The following EFNA5 variants were observed in gnomAD, a reference collection of about 807,000 sequenced individuals.
EFNA5 encodes the protein ephrin-A5.
In EFNA5, 5 loss-of-function variants were observed where a neutral mutation model predicts 22.9. The observed-to-expected ratio is 0.22, with a 90% CI of 0.11 to 0.46. The LOEUF (loss-of-function observed/expected upper bound fraction) is 0.46, where lower values mean the gene tolerates loss of function less well. Ranked by LOEUF, EFNA5 falls within the 20% of genes least tolerant of loss-of-function variation. EFNA5 has a pLI of 0.99. For synonymous variants in EFNA5, 113 were observed against 112.2 expected (o/e 1.01, Z -0.04); for missense variants, 237 against 293.3 (o/e 0.81, Z 1.40).
chr5:107,625,974 G>A (rs1029914666), intron 1 of EFNA5, among the ~76,000 whole-genome samples: 2 of 152,154 alleles, frequency 1.3e-5, no homozygotes, highest in African/African-American at 4.8e-5. Context: ...CACATTGAAA[G>A]CCAATTCCTT....
intron 2 of EFNA5, among the ~76,000 whole-genome samples, chr5:107,390,538 G>A (rs1332586619): frequency 6.6e-6 from 1 of 152,108 alleles, no homozygotes; most frequent in Non-Finnish European, 1.5e-5. Context: ...AGATAGAGCT[G>A]AGGATGGAAA....
intron 1 of EFNA5, among the ~76,000 whole-genome samples, chr5:107,492,307 T>C (rs939188588): frequency 2.6e-5 from 4 of 152,242 alleles, no homozygotes; most frequent in African/African-American, 9.6e-5. Flanking sequence ...AGATTTTATA[T>C]CTAAAACACT....
At chr5:107,505,262 A>C (rs1407356443) in intron 1 of EFNA5, among the ~76,000 whole-genome samples, 1 of 152,232 alleles carries the variant, frequency 6.6e-6, no homozygotes, top group Non-Finnish European at 1.5e-5. Context: ...AAATAATATC[A>C]AATGATTTAA....
At position 107,381,274 on chromosome 5, in the gene EFNA5, G is replaced by C; in HGVS notation, c.668C>G (p.Ala223Gly). 6 of 1,613,890 alleles carry C rather than the reference G, an allele frequency of 3.7e-6. No individual in the cohort carries two copies. The highest frequency in any genetic ancestry group is 5.1e-6 in the Non-Finnish European group (6 of 1,179,856). The stretch of plus-strand genomic sequence containing the variant: ...ACTGTGCTATAATGTCAAAAGCATC[G>C]CCAGGAGGAACAGTAGGATTGCCAA... ...RLLAILLFLLAMLLTL is the reference protein window; with the variant it reads ...RLLAILLFLLGMLLTL Residue 223 changes from alanine (A) to glycine (G), a missense_variant, in exon 5 of 5, where the codon GCG (alanine) becomes GGG (glycine). This residue lies in a region of EFNA5 where 104 missense variants were observed against 114.5 expected (regional missense o/e 0.91). Transcript: ENST00000333274.
chr5:107,643,182 T>G (rs1487061738), intron 1 of EFNA5, among the ~76,000 whole-genome samples: 1 of 152,138 alleles, frequency 6.6e-6, no homozygotes, highest in Admixed American at 6.5e-5. Flanking sequence ...TAAGTAGATC[T>G]AACAAATGAA....
chr5:107,456,649 G>A (rs1181941152), intron 1 of EFNA5, among the ~76,000 whole-genome samples: 1 of 152,130 alleles, frequency 6.6e-6, no homozygotes, highest in Non-Finnish European at 1.5e-5. Flanking sequence ...TACACTAGTT[G>A]AACAAACCAC....
intron 1 of EFNA5, among the ~76,000 whole-genome samples, chr5:107,647,801 C>T (rs544652962): frequency 1.3e-5 from 2 of 152,186 alleles, no homozygotes; most frequent in Admixed American, 6.6e-5. Context: ...ACCGAAAACT[C>T]ACACTGTCAC....
intron 1 of EFNA5, among the ~76,000 whole-genome samples, chr5:107,631,528 T>C (rs1216931662): frequency 5.3e-5 from 8 of 152,140 alleles, no homozygotes; most frequent in African/African-American, 1.9e-4. Flanking sequence ...ATTATTGTTT[T>C]ATATGAAAAT....
At chr5:107,446,627 G>A (rs530515975) in intron 1 of EFNA5, among the ~76,000 whole-genome samples, 2 of 151,938 alleles carry the variant, frequency 1.3e-5, no homozygotes, top group African/African-American at 2.4e-5. Context: ...GGTGGCGGGC[G>A]CCTGTAGTCC....
At chr5:107,639,011 T>C (rs939925842) in intron 1 of EFNA5, among the ~76,000 whole-genome samples, 1 of 152,202 alleles carries the variant, frequency 6.6e-6, no homozygotes, top group Non-Finnish European at 1.5e-5. Context: ...ACATGTGGTG[T>C]GTTGCAGAAT....
intron 1 of EFNA5, among the ~76,000 whole-genome samples, chr5:107,430,838 G>A (rs1441593838): frequency 7.0e-6 from 1 of 143,502 alleles, no homozygotes; most frequent in Non-Finnish European, 1.5e-5. Flanking sequence ...GTGCAGTGGT[G>A]TGATCTCGGC....
chr5:107,472,910 A>C (rs576794243), intron 1 of EFNA5, among the ~76,000 whole-genome samples: 1 of 152,314 alleles, frequency 6.6e-6, no homozygotes, highest in Admixed American at 6.5e-5. Flanking sequence ...AGCTGATGAA[A>C]AGGCTGAAGG....
intron 1 of EFNA5, among the ~76,000 whole-genome samples, chr5:107,591,141 G>A (rs1445186598): frequency 1.3e-5 from 2 of 152,116 alleles, no homozygotes; most frequent in African/African-American, 2.4e-5. Flanking sequence ...GGGAGGCAGG[G>A]GAGCTACAAA....
chr5:107,516,794 T>C (rs902746135), intron 1 of EFNA5, among the ~76,000 whole-genome samples: 6 of 152,188 alleles, frequency 3.9e-5, no homozygotes, highest in African/African-American at 1.2e-4. Flanking sequence ...TTAGGAAACA[T>C]TTCAGTGATG....
intron 1 of EFNA5, among the ~76,000 whole-genome samples, chr5:107,556,986 C>T (rs75951324): frequency 0.019 from 2,919 of 151,804 alleles, 102 homozygotes; most frequent in African/African-American, 0.067. Context: ...CTAAATGACC[C>T]GGTATGTGGC....
intron 1 of EFNA5, among the ~76,000 whole-genome samples, chr5:107,642,509 G>C (rs562866692): frequency 2.0e-5 from 3 of 148,076 alleles, no homozygotes; most frequent in Non-Finnish European, 4.5e-5. Context: ...TGAATCGATC[G>C]ATTCTCAACC....
intron 1 of EFNA5, among the ~76,000 whole-genome samples, chr5:107,666,193 G>C (rs1023473555): frequency 8.5e-5 from 13 of 152,096 alleles, no homozygotes; most frequent in African/African-American, 3.1e-4. Context: ...TCATTTACTT[G>C]TCAGTGAAAA....
chr5:107,392,840 T>A (rs777113155), intron 2 of EFNA5, among the ~76,000 whole-genome samples: 4 of 152,244 alleles, frequency 2.6e-5, no homozygotes, highest in Non-Finnish European at 2.9e-5. Context: ...CTGGATCCCT[T>A]ACTAGTTTAC....
intron 1 of EFNA5, among the ~76,000 whole-genome samples, chr5:107,584,641 T>C (rs1333575732): frequency 6.6e-6 from 1 of 152,222 alleles, no homozygotes; most frequent in East Asian, 1.9e-4. Context: ...GTCTCTGATT[T>C]GTTTTCCTTC....
Sources: allele counts gnomAD v4.1 joint callset (sites outside exome capture counted in the v4.1 genomes callset), GRCh38; gene constraint gnomAD v4.1.1; regional missense constraint gnomAD v4.1.1; transcripts MANE v1.5; gene names NCBI Gene and HGNC (gene_info 2026-07-23, HGNC 2026-07-21).